PALM2AKAP2: variants seen among roughly 807,000 people sequenced by gnomAD.
PALM2AKAP2 encodes the protein PALM2 and AKAP2 fusion, also known as PALM2-AKAP2 fusion protein.
Under a neutral mutation model 71.5 loss-of-function variants are expected in PALM2AKAP2, and 37 were observed. The ratio of observed to expected loss-of-function variants is 0.52; its 90% CI spans 0.40 to 0.68. The LOEUF is 0.68. PALM2AKAP2 is among the 30% of genes least tolerant of loss of function. PALM2AKAP2 has a pLI of 0.00. For missense variants in PALM2AKAP2, 1,224 were observed against 1,191.8 expected (o/e 1.03, Z -0.40); for synonymous variants, 468 against 478.8 (o/e 0.98, Z 0.29).
At chr9:109,972,240 C>T (rs982432195) in intron 6 of PALM2AKAP2, among the ~76,000 whole-genome samples, 3 of 152,150 alleles carry the variant, frequency 2.0e-5, no homozygotes, top group African/African-American at 7.2e-5. Flanking sequence ...GCAGGCTTCA[C>T]AGTGAGTGGC....
upstream of PALM2AKAP2, among the ~76,000 whole-genome samples, chr9:110,044,665 A>ACTTTTTT (rs1833566758): frequency 7.1e-6 from 1 of 140,210 alleles, no homozygotes; most frequent in East Asian, 2.1e-4. Context: ...TCTTTTTCTT[A>ACTTTTTT]CTTTTTTTTT....
At chr9:110,083,706 A>G (rs913079242) in intron 1 of PALM2AKAP2, among the ~76,000 whole-genome samples, 4 of 152,250 alleles carry the variant, frequency 2.6e-5, no homozygotes, top group African/African-American at 7.2e-5. Context: ...ACATACAAAG[A>G]GTCAAGAATA....
intron 2 of PALM2AKAP2, among the ~76,000 whole-genome samples, chr9:110,150,846 C>T (rs1230017474): frequency 1.3e-5 from 2 of 152,238 alleles, no homozygotes; most frequent in African/African-American, 2.4e-5. Context: ...ATATCTACTT[C>T]TGCAGTCTGC....
intron 1 of PALM2AKAP2, among the ~76,000 whole-genome samples, chr9:110,098,829 G>A (rs1458808679): frequency 1.3e-5 from 2 of 152,124 alleles, no homozygotes; most frequent in Admixed American, 6.5e-5. Flanking sequence ...TCATTTCCAC[G>A]CACCTCCACA....
intron 1 of PALM2AKAP2, among the ~76,000 whole-genome samples, chr9:109,722,235 A>G (rs1362053223): frequency 6.6e-6 from 1 of 152,232 alleles, no homozygotes; most frequent in Non-Finnish European, 1.5e-5. Context: ...AATGACCTCT[A>G]AACTATACTG....
intron 6 of PALM2AKAP2, among the ~76,000 whole-genome samples, chr9:109,987,900 C>T (rs146677115): frequency 6.6e-5 from 10 of 152,324 alleles, no homozygotes; most frequent in East Asian, 5.8e-4. Flanking sequence ...TCTCTTTTAA[C>T]GAGCAAGAAA....
chr9:109,779,178 T>C (rs181750722), upstream of PALM2AKAP2, among the ~76,000 whole-genome samples: 35 of 152,324 alleles, frequency 2.3e-4, 1 homozygote, highest in East Asian at 6.6e-3. Context: ...CATATGAATG[T>C]TGGGAATTCT....
chr9:109,647,442 G>A (rs10733572), intron 1 of PALM2AKAP2, among the ~76,000 whole-genome samples: 98,545 of 151,956 alleles, frequency 0.65, 32,370 homozygotes, highest in African/African-American at 0.74. Context: ...CTGCAAATAA[G>A]TCTGCATACA....
At chr9:109,846,993 G>A (rs79887909) in intron 1 of PALM2AKAP2, among the ~76,000 whole-genome samples, 2,631 of 152,298 alleles carry the variant, frequency 0.017, 82 homozygotes, top group African/African-American at 0.06. Context: ...ATGGCATTCC[G>A]TTCCACCAGC....
chr9:109,798,914 C>G (rs763411540), intron 1 of PALM2AKAP2, among the ~76,000 whole-genome samples: 6 of 152,248 alleles, frequency 3.9e-5, no homozygotes, highest in Non-Finnish European at 7.3e-5. Flanking sequence ...ATCCATGTCT[C>G]TATGTCAGCT....
chr9:110,168,304 T>A, intron 3 of PALM2AKAP2, 95 bp from the exon 11 acceptor site: 3 of 1,464,774 alleles, frequency 2.0e-6, no homozygotes, highest in Non-Finnish European at 2.8e-6. Flanking sequence ...CCTCTCAAGT[T>A]GATAAAGAGA....
chr9:109,691,887 TATATATATATATATAC>T (rs1564114917), intron 1 of PALM2AKAP2, among the ~76,000 whole-genome samples: 4 of 68,590 alleles, frequency 5.8e-5, no homozygotes, highest in African/African-American at 2.3e-4. Context: ...CACACATATA[TATATATATATATATAC>T]ACACACACAT....
At chr9:109,849,700 G>A (rs1828957856) in intron 1 of PALM2AKAP2, among the ~76,000 whole-genome samples, 1 of 152,124 alleles carries the variant, frequency 6.6e-6, no homozygotes, top group Non-Finnish European at 1.5e-5. Flanking sequence ...AGGTTGCAGT[G>A]AACCAAGATT....
intron 1 of PALM2AKAP2, among the ~76,000 whole-genome samples, chr9:109,680,334 A>C (rs1010414351): frequency 8.5e-5 from 13 of 152,238 alleles, no homozygotes; most frequent in African/African-American, 2.7e-4. Flanking sequence ...GAACAGTCAC[A>C]CGAGGTGTAT....
At chr9:109,764,110 T>G (rs566254668) in intron 1 of PALM2AKAP2, among the ~76,000 whole-genome samples, 2 of 152,262 alleles carry the variant, frequency 1.3e-5, no homozygotes, top group East Asian at 3.9e-4. Context: ...GTCTCTTGAC[T>G]ATACTCTTAT....
intron 2 of PALM2AKAP2, among the ~76,000 whole-genome samples, chr9:109,869,922 A>G (rs1005973346): frequency 6.6e-6 from 1 of 152,074 alleles, no homozygotes; most frequent in African/African-American, 2.4e-5. Flanking sequence ...TACTAAGTGG[A>G]GGTGAGTGCA....
upstream of PALM2AKAP2, among the ~76,000 whole-genome samples, chr9:109,775,854 A>G (rs2118776677): frequency 6.6e-6 from 1 of 152,352 alleles, no homozygotes; most frequent in Non-Finnish European, 1.5e-5. Flanking sequence ...TCTAAAATAG[A>G]TTCTGAAATT....
At chr9:109,796,045 C>T (rs190343477) in intron 1 of PALM2AKAP2, among the ~76,000 whole-genome samples, 74 of 152,300 alleles carry the variant, frequency 4.9e-4, no homozygotes, top group Non-Finnish European at 7.5e-4. Flanking sequence ...ATCTACTCTC[C>T]GCCTGTCACA....
chr9:110,149,466 A>C (rs1205449302), intron 2 of PALM2AKAP2, among the ~76,000 whole-genome samples: 1 of 152,248 alleles, frequency 6.6e-6, no homozygotes, highest in Non-Finnish European at 1.5e-5. Flanking sequence ...TATATTTTAA[A>C]ATTAATTTGT....
Sources: gnomAD v4.1 joint callset for allele counts (sites outside exome capture counted in the v4.1 genomes callset) on GRCh38, gnomAD v4.1.1 for gene constraint, MANE v1.5 for transcripts, NCBI Gene and HGNC (gene_info 2026-07-23, HGNC 2026-07-21) for gene names.